The following PAPOLA variants were observed in gnomAD, a reference collection of about 807,000 sequenced individuals.
The protein encoded by PAPOLA is poly(A) polymerase alpha, also known as polynucleotide adenylyltransferase alpha.
A neutral mutation model predicts 100.6 loss-of-function variants in PAPOLA; 15 were observed. The ratio of observed to expected loss-of-function variants is 0.15; its 90% confidence interval spans 0.10 to 0.23. The LOEUF (loss-of-function observed/expected upper bound fraction) is 0.23. Ranked by LOEUF, PAPOLA falls within the 10% of genes least tolerant of loss-of-function variation. The pLI is 1.00. For missense variants in PAPOLA, 533 were observed against 884.2 expected, an observed-to-expected ratio of 0.60 and a Z score of 5.04; for synonymous variants, 293 against 300.0, an observed-to-expected ratio of 0.98 and a Z score of 0.24.
Position 96,560,558 on chromosome 14 carries a change from T to C in PAPOLA, c.2005-91T>C, listed in dbSNP as rs1805968492. ...GTTGATCTTACAGGTTTAATTATTT[T>C]ATAGTTTTAAAGTTTATAAAGTAAA... On this transcript the variant is annotated intron_variant, in intron 19 of 21. Transcript: ENST00000216277. 2.1e-5 allele frequency: 17 copies of C among 794,828 alleles called. No homozygotes were observed. The South Asian group carries it at 2.6e-4, about 12-fold the overall frequency. 49.2% of individuals were successfully genotyped at this position (794,828 alleles called of 1,614,324 possible).
intron 1 of PAPOLA, among the ~76,000 whole-genome samples, chr14:96,510,454 TGA>T (rs1428006698): frequency 2.9e-5 from 4 of 139,632 alleles, no homozygotes; most frequent in African/African-American, 5.8e-5. Context: ...CCTAGCCATA[TGA>T]GAGAGAGGGA....
intron 20 of PAPOLA, 86 bp downstream of exon 20, chr14:96,560,797 T>G: frequency 4.4e-6 from 4 of 912,458 alleles, no homozygotes; most frequent in Non-Finnish European, 7.0e-6. Context: ...TGTATTTTTG[T>G]GCTATAGGTT....
intron 1 of PAPOLA, among the ~76,000 whole-genome samples, chr14:96,512,387 T>A (rs997349942): frequency 6.6e-6 from 1 of 152,068 alleles, no homozygotes; most frequent in Non-Finnish European, 1.5e-5. Flanking sequence ...ATTAAAAAAA[T>A]ATATATCTTT....
chr14:96,534,644 T>C, intron 10 of PAPOLA, 81 bp downstream of exon 10: 1 of 1,605,526 alleles, frequency 6.2e-7, no homozygotes, highest in Non-Finnish European at 8.5e-7. Flanking sequence ...CCAGGGAGAC[T>C]TCCAGCCTTT....
chr14:96,535,063 T>C, intron 10 of PAPOLA: 1 of 981,436 alleles, frequency 1.0e-6, no homozygotes, highest in Non-Finnish European at 1.2e-6. Context: ...AAAAACATGG[T>C]TGGGCTAAAG....
chr14:96,515,139 TGTTATATA>T (rs1897365006), intron 1 of PAPOLA, among the ~76,000 whole-genome samples: 1 of 152,156 alleles, frequency 6.6e-6, no homozygotes, highest in Admixed American at 6.5e-5. Context: ...GAAAACGAAT[TGTTATATA>T]GAATGTTAAA....
chr14:96,518,867 G>A (rs889180619), intron 1 of PAPOLA, among the ~76,000 whole-genome samples: 1 of 151,748 alleles, frequency 6.6e-6, no homozygotes, highest in African/African-American at 2.4e-5. Flanking sequence ...GAGCAGCCTG[G>A]CCAACATGGT....
intron 2 of PAPOLA, 108 bp downstream of exon 2, chr14:96,520,336 A>G: frequency 2.5e-6 from 2 of 787,708 alleles, no homozygotes; most frequent in South Asian, 3.8e-5. Context: ...TTATTTGCCC[A>G]GATCTATATA....
intron 10 of PAPOLA, chr14:96,535,207 T>C (rs1899412613): frequency 6.4e-5 from 57 of 896,560 alleles, no homozygotes; most frequent in Non-Finnish European, 7.6e-5. Flanking sequence ...TATGAAATCC[T>C]TTTTTTCTAA....
chr14:96,502,652 G>C (rs551188011), intron 1 of PAPOLA, 52 bp downstream of exon 1: 4 of 1,553,346 alleles, frequency 2.6e-6, no homozygotes, highest in Non-Finnish European at 3.5e-6. Context: ...GCCTTGGGGG[G>C]CGTCCGGGAA....
intron 12 of PAPOLA, among the ~76,000 whole-genome samples, chr14:96,541,079 C>T (rs761249715): frequency 6.6e-6 from 1 of 152,008 alleles, no homozygotes; most frequent in Admixed American, 6.6e-5. Context: ...TTAGTAGAGA[C>T]GGAGTTTCAC....
intron 1 of PAPOLA, among the ~76,000 whole-genome samples, chr14:96,503,790 C>T (rs957125321): frequency 1.1e-4 from 17 of 151,912 alleles, no homozygotes; most frequent in African/African-American, 4.1e-4. Context: ...ACATAATCAC[C>T]GATTGTAGTT....
intron 19 of PAPOLA, among the ~76,000 whole-genome samples, chr14:96,558,409 GCATT>G (rs1901539553): frequency 6.6e-6 from 1 of 152,064 alleles, no homozygotes; most frequent in Admixed American, 6.5e-5. Context: ...ATAATTCTAT[GCATT>G]TAACATTTGG....
Position 96,527,834 on chromosome 14 carries a change from C to T in PAPOLA, c.442-119C>T, listed in dbSNP as rs944314497. On this transcript the variant is annotated intron_variant, in intron 5 of 21. Transcript: ENST00000216277. ...AACCTTGATTTCTGATCTGTCTGAT[C>T]GAACAGCCCAGTCTTAAAGCTAGCT... 5 of 761,380 alleles carry T rather than the reference C, an allele frequency of 6.6e-6. No homozygotes were observed. The East Asian group carries it at 7.4e-5, about 11-fold the overall frequency. 47.2% of individuals were successfully genotyped at this position (761,380 alleles called of 1,614,324 possible).
At chr14:96,557,496 A>G (rs1304971349) in intron 19 of PAPOLA, among the ~76,000 whole-genome samples, 1 of 151,264 alleles carries the variant, frequency 6.6e-6, no homozygotes, top group Non-Finnish European at 1.5e-5. Flanking sequence ...AGTCACTTTC[A>G]TGTTGTTTTC....
intron 19 of PAPOLA, among the ~76,000 whole-genome samples, chr14:96,559,550 C>CATCTCT (rs1901638071): frequency 1.7e-5 from 2 of 118,484 alleles, no homozygotes; most frequent in Non-Finnish European, 3.4e-5. Context: ...GCTAAATTAA[C>CATCTCT]CTCTCTCTCT....
intron 1 of PAPOLA, among the ~76,000 whole-genome samples, chr14:96,505,740 A>C (rs1382029510): frequency 6.6e-6 from 1 of 152,188 alleles, no homozygotes; most frequent in Non-Finnish European, 1.5e-5. Flanking sequence ...CATAATGTTC[A>C]AACTATTTTC....
chr14:96,556,546 G>A (rs1248808060), intron 19 of PAPOLA, 133 bp downstream of exon 19: 2 of 689,910 alleles, frequency 2.9e-6, no homozygotes, highest in Admixed American at 4.6e-5. Context: ...TTTTAGGTGT[G>A]TCTGTAGTGC....
chr14:96,538,296 C>A (rs150736853), intron 12 of PAPOLA, among the ~76,000 whole-genome samples: 2 of 151,910 alleles, frequency 1.3e-5, no homozygotes, highest in Admixed American at 1.3e-4. Flanking sequence ...TATTCACTTT[C>A]GTATAGGACT....
Sources: allele counts gnomAD v4.1 joint callset (sites outside exome capture counted in the v4.1 genomes callset), GRCh38; gene constraint gnomAD v4.1.1; transcripts MANE v1.5; gene names NCBI Gene and HGNC (gene_info 2026-07-23, HGNC 2026-07-21).